CNTLN: variants seen among roughly 807,000 people sequenced by gnomAD.
The protein encoded by CNTLN is centlein, centrosomal protein.
Under a neutral mutation model 180.0 loss-of-function variants are expected in CNTLN, and 212 were observed. The ratio of observed to expected loss-of-function variants is 1.18; its 90% CI spans 1.05 to 1.32. The LOEUF is 1.32. Ranked by LOEUF, CNTLN falls within the 40% of genes most tolerant of loss-of-function variation. The pLI is 0.00. For missense variants in CNTLN, 2,095 were observed against 1,610.9 expected (o/e 1.30, Z -5.14); for synonymous variants, 722 against 563.1 (o/e 1.28, Z -3.99).
chr9:17,409,497 T>C, intron 16 of CNTLN, 24 bp downstream of exon 16: 1 of 1,527,164 alleles, frequency 6.5e-7, no homozygotes, highest in Non-Finnish European at 8.9e-7. Flanking sequence ...TTTTGCTTAA[T>C]TGTATGCTAT....
At chr9:17,366,573 TA>T in intron 12 of CNTLN, 43 bp from the exon 13 acceptor site, 2 of 955,992 alleles carry the variant, frequency 2.1e-6, no homozygotes, top group South Asian at 1.5e-5. Flanking sequence ...TTTTTTTAAA[TA>T]AAACAATATG....
the CNTLN span, among the ~76,000 whole-genome samples, chr9:17,514,058 A>G: frequency 3.9e-5 from 6 of 152,242 alleles, no homozygotes; most frequent in South Asian, 1.0e-3. Context: ...CTGTAATCCC[A>G]GCACTTTGGG....
intron 2 of CNTLN, among the ~76,000 whole-genome samples, chr9:17,207,578 C>T (rs542051933): frequency 6.6e-6 from 1 of 152,202 alleles, no homozygotes; most frequent in South Asian, 2.1e-4. Context: ...TGTGGCTTCC[C>T]TTGGCTGGGG....
intron 6 of CNTLN, among the ~76,000 whole-genome samples, chr9:17,296,864 G>T (rs1477310047): frequency 6.6e-6 from 1 of 152,114 alleles, no homozygotes; most frequent in Non-Finnish European, 1.5e-5. Context: ...AATCTCTAAG[G>T]AGCGGAACTC....
At chr9:17,302,077 T>G (rs973725782) in intron 7 of CNTLN, 18 of 979,662 alleles carry the variant, frequency 1.8e-5, no homozygotes, top group Non-Finnish European at 2.2e-5. Context: ...GTGTACTGAC[T>G]ACACATATGT....
At position 17,330,912 on chromosome 9, in the gene CNTLN, C is replaced by G. The variant is rs976454947; in HGVS notation, c.1518+104C>G. ...AGCATTTACTTCTCTGCTTGTATTT[C>G]GGGAAACTTTTGAAAAATATTATGT... On this transcript the variant is annotated intron_variant, in intron 9 of 25. Coordinates refer to ENST00000380647, the MANE Select transcript of CNTLN (RefSeq NM_017738.4). 59 of 1,088,760 alleles carry G rather than the reference C, an allele frequency of 5.4e-5. No individual in the cohort carries two copies. In the South Asian group the frequency reaches 8.8e-4, roughly 16 times the overall value. The allele number at this position is 1,088,760 out of a possible 1,614,324, so 67.4% of individuals were successfully genotyped here.
chr9:17,244,506 C>G (rs750884128), intron 5 of CNTLN, among the ~76,000 whole-genome samples: 2 of 152,174 alleles, frequency 1.3e-5, no homozygotes, highest in Non-Finnish European at 2.9e-5. Flanking sequence ...GTATGCACCA[C>G]CATGCCTGGT....
At chr9:17,238,665 A>G (rs950911754) in intron 5 of CNTLN, among the ~76,000 whole-genome samples, 1 of 152,092 alleles carries the variant, frequency 6.6e-6, no homozygotes, top group Non-Finnish European at 1.5e-5. Flanking sequence ...CATTTCCAAC[A>G]TCTTCTGTGT....
intron 15 of CNTLN, among the ~76,000 whole-genome samples, chr9:17,400,491 C>G (rs1170880941): frequency 6.6e-6 from 1 of 152,132 alleles, no homozygotes; most frequent in African/African-American, 2.4e-5. Flanking sequence ...GAATCTGTTA[C>G]CAAACTACTT....
chr9:17,244,537 C>T (rs1563916309), intron 5 of CNTLN, among the ~76,000 whole-genome samples: 1 of 152,168 alleles, frequency 6.6e-6, no homozygotes, highest in East Asian at 1.9e-4. Flanking sequence ...TTCTTGTAGG[C>T]AACAGATCAT....
chr9:17,453,949 C>T (rs1219407732), intron 18 of CNTLN, among the ~76,000 whole-genome samples: 1 of 152,188 alleles, frequency 6.6e-6, no homozygotes, highest in Admixed American at 6.5e-5. Flanking sequence ...GATTAGCTCT[C>T]AGAAACTTGA....
chr9:17,274,577 C>T (rs1361570896), intron 6 of CNTLN, among the ~76,000 whole-genome samples: 1 of 151,836 alleles, frequency 6.6e-6, no homozygotes, highest in Non-Finnish European at 1.5e-5. Flanking sequence ...ATTTTGCATG[C>T]ATGTGTTTAT....
chr9:17,460,676 T>C (rs1368984950), intron 19 of CNTLN, among the ~76,000 whole-genome samples: 1 of 151,772 alleles, frequency 6.6e-6, no homozygotes, highest in Non-Finnish European at 1.5e-5. Flanking sequence ...TTATTATAAA[T>C]TGCTTTTCTC....
At chr9:17,453,552 T>C (rs1830925385) in intron 18 of CNTLN, among the ~76,000 whole-genome samples, 1 of 152,146 alleles carries the variant, frequency 6.6e-6, no homozygotes, top group Non-Finnish European at 1.5e-5. Context: ...CAAAACAAAT[T>C]ACCACAAATT....
chr9:17,501,363 A>C (rs2754319), intron 25 of CNTLN, among the ~76,000 whole-genome samples: 141,745 of 152,266 alleles, frequency 0.93, 66,437 homozygotes, highest in Non-Finnish European at 0.98. Flanking sequence ...TCTGGATCAG[A>C]TGTGGTCTCT....
intron 18 of CNTLN, among the ~76,000 whole-genome samples, chr9:17,449,982 AAC>A (rs1278956697): frequency 1.3e-5 from 2 of 152,250 alleles, no homozygotes; most frequent in Non-Finnish European, 2.9e-5. Context: ...GAAATATTTA[AAC>A]ACAGTTACAA....
chr9:17,392,656 G>C (rs150972891), intron 14 of CNTLN, among the ~76,000 whole-genome samples: 2 of 151,970 alleles, frequency 1.3e-5, no homozygotes, highest in Admixed American at 6.6e-5. Flanking sequence ...AGGTCCAATA[G>C]TAGGTTAATA....
At chr9:17,172,305 A>G (rs191768649) in intron 2 of CNTLN, among the ~76,000 whole-genome samples, 5 of 152,316 alleles carry the variant, frequency 3.3e-5, no homozygotes, top group Admixed American at 1.3e-4. Context: ...TCTGCAGAGT[A>G]GGCTGTTGGG....
rs137918459 is a variant in CNTLN, at chr9:17,416,362, C to A, written c.3114+173C>A. ...TAATTACTGGACTTCTTTAATAAGG[C>A]CCATATTAAAGGATAACATACATGA... On this transcript the variant is annotated intron_variant, in intron 18 of 25. Coordinates refer to ENST00000380647, the MANE Select transcript of CNTLN (RefSeq NM_017738.4). Among the ~76,000 whole-genome samples the A allele has an allele frequency of 7.9e-3, 1,199 of 152,164 alleles. 11 individuals are homozygous for A. Among genetic ancestry groups the A allele is most frequent in the Non-Finnish European group, 0.012 (810 of 68,002 alleles).
Sources: gnomAD v4.1 joint callset for allele counts (sites outside exome capture counted in the v4.1 genomes callset) on GRCh38, gnomAD v4.1.1 for gene constraint, MANE v1.5 for transcripts, NCBI Gene and HGNC (gene_info 2026-07-23, HGNC 2026-07-21) for gene names.